Variants in CNTNAP2 observed in about 807,000 individuals in gnomAD.
CNTNAP2 encodes contactin-associated protein-like 2.
Under a neutral mutation model 155.2 loss-of-function variants are expected in CNTNAP2, and 98 were observed. The ratio of observed to expected loss-of-function variants is 0.63; its 90% CI spans 0.54 to 0.75. CNTNAP2 has a LOEUF of 0.75. Among genes scored for constraint, CNTNAP2 ranks in the 30% least tolerant of loss-of-function variants. The probability of loss-of-function intolerance (pLI) is 0.00; values close to 1 mark genes in which losing one functional copy is unlikely to be tolerated. For synonymous variants in CNTNAP2, 651 were observed against 631.2 expected, an observed-to-expected ratio of 1.03 and a Z score of -0.47; for missense variants, 1,727 against 1,688.1, an observed-to-expected ratio of 1.02 and a Z score of -0.40.
At chr7:148,158,280 T>C (rs984938968) in intron 17 of CNTNAP2, among the ~76,000 whole-genome samples, 1 of 137,362 alleles carries the variant, frequency 7.3e-6, no homozygotes. Flanking sequence ...TGAAGTGCAG[T>C]GGCACAATCT....
At chr7:147,814,693 A>G (rs1005208594) in intron 13 of CNTNAP2, among the ~76,000 whole-genome samples, 3 of 152,202 alleles carry the variant, frequency 2.0e-5, no homozygotes, top group African/African-American at 7.2e-5. Flanking sequence ...TGTAAAATGC[A>G]TGTAGTTCCT....
chr7:147,052,746 T>C (rs1421341136), intron 4 of CNTNAP2, among the ~76,000 whole-genome samples: 1 of 151,928 alleles, frequency 6.6e-6, no homozygotes, highest in Non-Finnish European at 1.5e-5. Context: ...AATGTGAAAA[T>C]AAAAGTAACT....
chr7:148,209,332 C>A (rs1562995362), intron 18 of CNTNAP2, among the ~76,000 whole-genome samples: 2 of 145,968 alleles, frequency 1.4e-5, no homozygotes, highest in Non-Finnish European at 3.0e-5. Context: ...CAGGGTCCCC[C>A]TATGTTGTCC....
chr7:147,897,390 AC>A lies in CNTNAP2; in HGVS notation c.2099-6173del, dbSNP rs567831047. Among the ~76,000 whole-genome samples the A allele has an allele frequency of 4.0e-4, 61 of 152,168 alleles. 2 individuals carry two copies. In the South Asian group the frequency reaches 0.011, roughly 27 times the overall value. On this transcript the variant is annotated intron_variant, in intron 13 of 23. Coordinates refer to ENST00000361727, the MANE Select transcript of CNTNAP2 (RefSeq NM_014141.6). ...GACAAAGGAGTCATCTGCTAGACAA[AC>A]CTTTAACTCCACTTTTACAGGTGCC...
intron 1 of CNTNAP2, among the ~76,000 whole-genome samples, chr7:146,768,420 C>CA (rs963968123): frequency 3.4e-4 from 51 of 151,774 alleles, no homozygotes; most frequent in African/African-American, 1.2e-3. Flanking sequence ...TGTGCCCCCC[C>CA]ACATTTCTGA....
At chr7:146,738,055 A>G (rs368679416) in intron 1 of CNTNAP2, among the ~76,000 whole-genome samples, 21 of 152,168 alleles carry the variant, frequency 1.4e-4, no homozygotes, top group African/African-American at 5.1e-4. Flanking sequence ...TTTCTGTATC[A>G]TATGGTAATT....
rs533104106 is a variant in CNTNAP2 at position 146,278,706 on chromosome 7, T to C, written c.97+161733T>C. On this transcript the variant is annotated intron_variant, in intron 1 of 23. Coordinates refer to ENST00000361727, the MANE Select transcript of CNTNAP2 (RefSeq NM_014141.6). ...GACAGTATAAGCAAAAAGCAGAAAA[T>C]AGTGATTGATTAACCTTATTTTGTA... 2.6e-5 allele frequency among the ~76,000 whole-genome samples: 4 copies of C among 152,108 alleles called. No homozygotes were observed. In the South Asian group the frequency reaches 8.3e-4, roughly 32 times the overall value.
At chr7:146,590,244 C>T (rs1297720648) in intron 1 of CNTNAP2, among the ~76,000 whole-genome samples, 2 of 152,134 alleles carry the variant, frequency 1.3e-5, no homozygotes, top group African/African-American at 4.8e-5. Context: ...GGTTACCCAG[C>T]TGACTTCTAT....
intron 1 of CNTNAP2, among the ~76,000 whole-genome samples, chr7:146,304,174 A>G (rs1800665859): frequency 6.8e-6 from 1 of 147,496 alleles, no homozygotes; most frequent in Non-Finnish European, 1.5e-5. Context: ...TCTGCATGTG[A>G]GATGGGTCTC....
chr7:146,946,586 G>C (rs182596369), intron 3 of CNTNAP2, among the ~76,000 whole-genome samples: 22 of 152,226 alleles, frequency 1.4e-4, no homozygotes, highest in Non-Finnish European at 7.4e-5. Context: ...TAGATAATGA[G>C]CTTTAAAGGT....
intron 1 of CNTNAP2, among the ~76,000 whole-genome samples, chr7:146,271,977 A>C (rs1800089354): frequency 6.6e-6 from 1 of 152,210 alleles, no homozygotes; most frequent in Admixed American, 6.5e-5. Context: ...TCTACCAATA[A>C]ATTCATGAAA....
chr7:146,638,132 T>C (rs1178026542), intron 1 of CNTNAP2, among the ~76,000 whole-genome samples: 1 of 152,182 alleles, frequency 6.6e-6, no homozygotes, highest in African/African-American at 2.4e-5. Context: ...TATTTCTGTC[T>C]GTAAGCGTAT....
At chr7:146,716,012 A>G (rs990661863) in intron 1 of CNTNAP2, among the ~76,000 whole-genome samples, 2 of 152,090 alleles carry the variant, frequency 1.3e-5, no homozygotes, top group African/African-American at 2.4e-5. Context: ...AGCAGCCGCC[A>G]TAGGTCATTA....
chr7:146,502,610 A>T (rs146900258), intron 1 of CNTNAP2, among the ~76,000 whole-genome samples: 2,926 of 151,580 alleles, frequency 0.019, 87 homozygotes, highest in African/African-American at 0.066. Context: ...TTTCATTGTG[A>T]TTTTTGTTGT....
intron 1 of CNTNAP2, among the ~76,000 whole-genome samples, chr7:146,288,621 TTATTAA>T (rs1300904377): frequency 1.3e-5 from 2 of 151,928 alleles, no homozygotes; most frequent in South Asian, 2.1e-4. Flanking sequence ...GAAATGAATA[TTATTAA>T]TATTAATATT....
chr7:147,274,476 ATGTC>A (rs1250035653), intron 8 of CNTNAP2, among the ~76,000 whole-genome samples: 1 of 151,950 alleles, frequency 6.6e-6, no homozygotes, highest in African/African-American at 2.4e-5. Flanking sequence ...CTTTTGATAA[ATGTC>A]TGTTCATGTC....
intron 1 of CNTNAP2, among the ~76,000 whole-genome samples, chr7:146,683,999 T>C (rs1800551157): frequency 6.6e-6 from 1 of 152,206 alleles, no homozygotes; most frequent in Admixed American, 6.5e-5. Context: ...TCTCACCTTC[T>C]GGTTCAAAAA....
intron 12 of CNTNAP2, among the ~76,000 whole-genome samples, chr7:147,590,292 C>T (rs187898156): frequency 4.6e-5 from 7 of 152,188 alleles, no homozygotes; most frequent in African/African-American, 1.7e-4. Context: ...TCTGTGTCCC[C>T]ACCCAAATCT....
chr7:147,143,555 G>C (rs1303057783), intron 8 of CNTNAP2, among the ~76,000 whole-genome samples: 2 of 151,938 alleles, frequency 1.3e-5, no homozygotes, highest in African/African-American at 4.8e-5. Context: ...CATGTTTCTA[G>C]ATATCCAGTT....
Sources: gnomAD v4.1 joint callset for allele counts (sites outside exome capture counted in the v4.1 genomes callset) on GRCh38, gnomAD v4.1.1 for gene constraint, MANE v1.5 for transcripts, NCBI Gene and HGNC (gene_info 2026-07-23, HGNC 2026-07-21) for gene names.